CNTRL: variants seen among roughly 807,000 people sequenced by gnomAD.
The protein encoded by CNTRL is centriolin.
A neutral mutation model predicts 303.7 loss-of-function variants in CNTRL; 233 were observed. The observed-to-expected ratio is 0.77, with a 90% CI of 0.69 to 0.86. The LOEUF is 0.86. CNTRL is among the 40% of genes least tolerant of loss of function. CNTRL has a pLI of 0.00. For missense variants in CNTRL, 2,524 were observed against 2,650.6 expected, an observed-to-expected ratio of 0.95 and a Z score of 1.05; for synonymous variants, 900 against 922.2, an observed-to-expected ratio of 0.98 and a Z score of 0.44.
intron 12 of CNTRL, among the ~76,000 whole-genome samples, chr9:121,119,310 TCTC>T (rs1451948264): frequency 5.4e-5 from 8 of 147,878 alleles, no homozygotes; most frequent in Non-Finnish European, 9.0e-5. Flanking sequence ...TCTCTCTCTC[TCTC>T]TTTTTTTTTT....
At chr9:121,104,237 A>C (rs1486007777) in intron 7 of CNTRL, among the ~76,000 whole-genome samples, 1 of 152,250 alleles carries the variant, frequency 6.6e-6, no homozygotes, top group African/African-American at 2.4e-5. Context: ...GACATGGTTG[A>C]AGCTGGAAAC....
At chr9:121,124,774 CA>C (rs5900470) in intron 13 of CNTRL, among the ~76,000 whole-genome samples, 11,131 of 102,052 alleles carry the variant, frequency 0.11, 436 homozygotes, top group Non-Finnish European at 0.13. Context: ...CCCGTCTCTA[CA>C]AAAAAAAAAA....
intron 30 of CNTRL, 108 bp from the exon 31 acceptor site, chr9:121,158,747 G>T (rs557503305): frequency 9.4e-7 from 1 of 1,060,904 alleles, no homozygotes; most frequent in Admixed American, 2.2e-5. Context: ...ACTCTTGGGG[G>T]CTAGGATATT....
At chr9:121,158,637 T>C in intron 30 of CNTRL, 1 of 486,808 alleles carries the variant, frequency 2.1e-6, no homozygotes, top group South Asian at 3.4e-5. Context: ...ATCATATTGT[T>C]GTTCTTACTG....
chr9:121,101,328 A>G (rs547344057), intron 7 of CNTRL, among the ~76,000 whole-genome samples: 19 of 152,236 alleles, frequency 1.2e-4, no homozygotes, highest in Non-Finnish European at 2.6e-4. Context: ...TGAAGGCAGA[A>G]ATAAAGATGT....
chr9:121,174,999 GTCTTA>G lies in CNTRL; in HGVS notation c.6748-16_6748-12del. 1 of 1,610,760 alleles carries G rather than the reference GTCTTA, an allele frequency of 6.2e-7. No individual in the cohort carries two copies. The highest frequency in any genetic ancestry group is 1.1e-5 in the South Asian group (1 of 90,830). On this transcript the variant is annotated splice_polypyrimidine_tract_variant and intron_variant, in intron 42 of 43. Transcript: ENST00000373855. ...ACATTTCTTCTGTGTAAAACCCTAAGTCTTATCACACTTTTCAGGCCCAACTCCGA... is the reference window on the plus strand; with the variant it reads ...ACATTTCTTCTGTGTAAAACCCTAAGTCACACTTTTCAGGCCCAACTCCGA...
chr9:121,153,558 A>G (rs1436564448), intron 26 of CNTRL, among the ~76,000 whole-genome samples: 3 of 152,170 alleles, frequency 2.0e-5, no homozygotes, highest in South Asian at 2.1e-4. Context: ...AACCTTGGTC[A>G]TAGCACTGTT....
rs1217586531 is a variant in CNTRL, at chr9:121,165,137, C to G, written c.5581+37C>G. 3.3e-6 allele frequency: 5 copies of G among 1,520,046 alleles called. No homozygotes were observed. In the East Asian group the frequency reaches 9.9e-5, roughly 30 times the overall value. 94.2% of individuals were successfully genotyped at this position (1,520,046 alleles called of 1,614,324 possible). A position where few individuals can be genotyped will look rare whatever the true frequency, so the allele number is the denominator to read the frequency against. Reference sequence around the variant, plus strand: ...CAAAACAGTGAAAGTGTGTGATTTCCTTGCCCTTCGTTAGATTCTTTGATT... The same window carrying G: ...CAAAACAGTGAAAGTGTGTGATTTCGTTGCCCTTCGTTAGATTCTTTGATT... On this transcript the variant is annotated intron_variant, in intron 35 of 43. Transcript: ENST00000373855.
chr9:121,150,830 T>C (rs2052195049), intron 25 of CNTRL, among the ~76,000 whole-genome samples: 1 of 152,260 alleles, frequency 6.6e-6, no homozygotes, highest in Non-Finnish European at 1.5e-5. Flanking sequence ...GTTAGCCATT[T>C]AATAACAAAT....
At chr9:121,164,688 G>A (rs1398425479) in intron 34 of CNTRL, among the ~76,000 whole-genome samples, 1 of 152,080 alleles carries the variant, frequency 6.6e-6, no homozygotes, top group Admixed American at 6.5e-5. Context: ...CAGATTTTTG[G>A]AATTCTGAAT....
intron 8 of CNTRL, among the ~76,000 whole-genome samples, chr9:121,108,317 C>T (rs1486997998): frequency 1.3e-5 from 2 of 152,122 alleles, no homozygotes; most frequent in African/African-American, 4.8e-5. Context: ...AGTTATAGGT[C>T]TTTTTGGACA....
chr9:121,112,314 T>C, intron 8 of CNTRL, 145 bp from the exon 9 acceptor site: 1 of 474,484 alleles, frequency 2.1e-6, no homozygotes, highest in East Asian at 3.4e-5. Flanking sequence ...AGAAGTAAGA[T>C]AAAATGTTCT....
chr9:121,125,003 C>T (rs953937791), intron 13 of CNTRL, among the ~76,000 whole-genome samples: 11 of 151,016 alleles, frequency 7.3e-5, no homozygotes, highest in African/African-American at 2.4e-5. Flanking sequence ...TAGTGCGTAT[C>T]CAGTACTGTA....
chr9:121,154,924 T>C lies in CNTRL; in HGVS notation c.4365+11T>C. The C allele has an allele frequency of 1.2e-6, 2 of 1,613,696 alleles. 1 individual carries two copies. The highest frequency in any genetic ancestry group is 2.2e-5 in the South Asian group (2 of 91,066). On this transcript the variant is annotated intron_variant, in intron 27 of 43. Transcript: ENST00000373855. ...TGCACTAAAGAAAAGGTTTGTCTTC[T>C]TGTGGTTTGGGGTGTGAGCTCAGTG...
intron 12 of CNTRL, chr9:121,122,452 A>G (rs2050283108): frequency 1.3e-5 from 12 of 927,702 alleles, no homozygotes; most frequent in Non-Finnish European, 1.4e-5. Flanking sequence ...AAATTGAGTA[A>G]TATTCTTTTA....
chr9:121,092,818 T>TATA (rs1491415609), intron 4 of CNTRL, among the ~76,000 whole-genome samples: 1 of 246 alleles, frequency 4.1e-3, no homozygotes, highest in African/African-American at 5.3e-3. Context: ...TATATATATA[T>TATA]TTTTTTTTTT....
chr9:121,144,031 G>A lies in CNTRL; in HGVS notation c.3000G>A (p.Gln1000=). The part of the protein sequence containing the change: ...ATAELTIAKD[Q]LKSLHGTVMK... ...CTGAGCTCACCATTGCCAAAGACCA[G>A]CTGAAGTCCCTTCATGGAACTGTTA... The change falls in exon 20 of 44, where the codon CAG becomes CAA. Residue 1000 remains glutamine, a synonymous_variant. Transcript: ENST00000373855. 3 of 1,613,900 alleles carry A rather than the reference G, an allele frequency of 1.9e-6. No individual in the cohort carries two copies. Among genetic ancestry groups the A allele is most frequent in the Middle Eastern group, 1.7e-4 (1 of 6,060 alleles).
chr9:121,173,191 A>G lies in CNTRL; in HGVS notation c.6418-52A>G, dbSNP rs1015507536. 7.9e-6 allele frequency: 12 copies of G among 1,517,412 alleles called. No individual in the cohort carries two copies. In the African/African-American group the frequency reaches 1.7e-4, roughly 21 times the overall value. 94.0% of individuals were successfully genotyped at this position (1,517,412 alleles called of 1,614,324 possible). A position where few individuals can be genotyped will look rare whatever the true frequency, so the allele number is the denominator to read the frequency against. On this transcript the variant is annotated intron_variant, in intron 40 of 43. Transcript: ENST00000373855. ...ATGGCACATCATACAGCTCAATTCC[A>G]AGTAAGTCTGAAATTTTATACAATG... is the stretch of plus-strand genomic sequence containing the variant.
intron 12 of CNTRL, chr9:121,121,825 G>A (rs1310799071): frequency 1.0e-6 from 1 of 985,438 alleles, no homozygotes; most frequent in East Asian, 1.1e-4. Flanking sequence ...GCTCGGAGGC[G>A]CTTGCAAAAA....
Sources: gnomAD v4.1 joint callset for allele counts (sites outside exome capture counted in the v4.1 genomes callset) on GRCh38, gnomAD v4.1.1 for gene constraint, MANE v1.5 for transcripts, NCBI Gene and HGNC (gene_info 2026-07-23, HGNC 2026-07-21) for gene names.